The following COPG2 variants were observed in gnomAD, a reference collection of about 807,000 sequenced individuals.
COPG2 encodes coat protein complex I subunit gamma 2.
In COPG2, 37 loss-of-function variants were observed where a neutral mutation model predicts 46.3. The ratio of observed to expected loss-of-function variants is 0.80; its 90% CI spans 0.61 to 1.05. COPG2 has a LOEUF of 1.05. COPG2 is among the 50% of genes least tolerant of loss of function. The pLI is 0.00. For synonymous variants in COPG2, 159 were observed against 129.7 expected, an observed-to-expected ratio of 1.23 and a Z score of -1.53; for missense variants, 427 against 387.8, an observed-to-expected ratio of 1.10 and a Z score of -0.85.
At chr7:130,566,770 T>C (rs1324729750) in intron 9 of COPG2, among the ~76,000 whole-genome samples, 3 of 152,196 alleles carry the variant, frequency 2.0e-5, no homozygotes, top group African/African-American at 7.2e-5. Flanking sequence ...GTGATGTTCC[T>C]TGGACTTTTT....
intron 20 of COPG2, among the ~76,000 whole-genome samples, chr7:130,526,752 A>T (rs1799777918): frequency 6.6e-6 from 1 of 151,506 alleles, no homozygotes; most frequent in Non-Finnish European, 1.5e-5. Context: ...GACTGCTCTT[A>T]AAGCCTTGAA....
rs1173008639 is a variant in COPG2, at chr7:130,528,515, G to C, written c.2149+19159C>G. 2.6e-5 allele frequency among the ~76,000 whole-genome samples: 4 copies of C among 152,202 alleles called. No homozygotes were observed. The East Asian group carries it at 5.8e-4, about 22-fold the overall frequency. On this transcript the variant is annotated intron_variant, in intron 20 of 23. Coordinates refer to ENST00000425248, the MANE Select transcript of COPG2 (RefSeq NM_012133.6). ...GTGCGGGGCCAGGTCAAGAAGGGAGGAGGTACCTGAGATCACGAATTAGGC... is the reference window on the plus strand; with the variant it reads ...GTGCGGGGCCAGGTCAAGAAGGGAGCAGGTACCTGAGATCACGAATTAGGC...
chr7:130,530,395 A>G (rs1799812537), intron 20 of COPG2, among the ~76,000 whole-genome samples: 1 of 152,168 alleles, frequency 6.6e-6, no homozygotes, highest in East Asian at 1.9e-4. Flanking sequence ...GAAGAGGAGA[A>G]AAGGCTTGAG....
intron 9 of COPG2, among the ~76,000 whole-genome samples, chr7:130,598,426 GAGAA>G (rs1252059067): frequency 6.6e-6 from 1 of 152,120 alleles, no homozygotes; most frequent in East Asian, 1.9e-4. Flanking sequence ...AACTTCCTGG[GAGAA>G]AGAAGATTAT....
rs1205677638 is a variant in COPG2, at chr7:130,513,290, T to TA, written c.2150-4632dup. The stretch of plus-strand genomic sequence containing the variant: ...GTGACAAGAGTGAAATAATTCTGTC[T>TA]AAAAAAAAAAAAAAAAAAATATATA... On this transcript the variant is annotated intron_variant, in intron 20 of 23. Coordinates refer to ENST00000425248, the MANE Select transcript of COPG2 (RefSeq NM_012133.6). Among the ~76,000 whole-genome samples the TA allele has an allele frequency of 5.2e-3, 105 of 20,188 alleles. 2 individuals carry two copies. Among genetic ancestry groups the TA allele is most frequent in the Admixed American group, 0.011 (10 of 926 alleles). The allele number at this position is 20,188 out of a possible 152,430, so 13.2% of individuals were successfully genotyped here.
intron 20 of COPG2, among the ~76,000 whole-genome samples, chr7:130,525,963 T>TGGACAGCCTAAATGAGTGACCC (rs1799770480): frequency 6.6e-6 from 1 of 152,066 alleles, no homozygotes; most frequent in Non-Finnish European, 1.5e-5. Context: ...ATGAGTGACC[T>TGGACAGCCTAAATGAGTGACCC]GGACAGCCTG....
At chr7:130,579,819 A>C (rs1794097094) in intron 9 of COPG2, among the ~76,000 whole-genome samples, 1 of 152,190 alleles carries the variant, frequency 6.6e-6, no homozygotes, top group Non-Finnish European at 1.5e-5. Flanking sequence ...TATGCACCCA[A>C]TACAGGAGCA....
chr7:130,583,749 G>A (rs1263278357), intron 9 of COPG2, among the ~76,000 whole-genome samples: 1 of 132,474 alleles, frequency 7.5e-6, no homozygotes, highest in Non-Finnish European at 1.5e-5. Flanking sequence ...GGAGGTTGCA[G>A]TGAGCCAAGA....
intron 20 of COPG2, among the ~76,000 whole-genome samples, chr7:130,519,533 CTG>C (rs1799708312): frequency 2.0e-5 from 3 of 151,998 alleles, no homozygotes; most frequent in Non-Finnish European, 4.4e-5. Context: ...AATGATACAG[CTG>C]AATGAAGAAA....
chr7:130,603,944 T>C, intron 9 of COPG2: 2 of 462,246 alleles, frequency 4.3e-6, no homozygotes, highest in South Asian at 1.6e-5. Context: ...TTATGTTATA[T>C]GTAATATATA....
chr7:130,664,983 C>A (rs1329626886), intron 3 of COPG2, among the ~76,000 whole-genome samples: 1 of 152,130 alleles, frequency 6.6e-6, no homozygotes, highest in Non-Finnish European at 1.5e-5. Context: ...GAGTTTGAGA[C>A]CCACCTGGCC....
chr7:130,615,702 T>G (rs1267290826), intron 6 of COPG2, among the ~76,000 whole-genome samples: 2 of 152,016 alleles, frequency 1.3e-5, no homozygotes, highest in Admixed American at 6.6e-5. Context: ...CCTGTAGGAG[T>G]AGTGATGGTG....
At chr7:130,512,779 G>A (rs1328925107) in intron 20 of COPG2, among the ~76,000 whole-genome samples, 1 of 152,104 alleles carries the variant, frequency 6.6e-6, no homozygotes, top group African/African-American at 2.4e-5. Context: ...GCAAGTGAAA[G>A]GATGACTGAC....
At chr7:130,623,203 G>T (rs1424572495) in intron 5 of COPG2, among the ~76,000 whole-genome samples, 3 of 152,186 alleles carry the variant, frequency 2.0e-5, no homozygotes, top group African/African-American at 7.2e-5. Flanking sequence ...GGGCCAATGA[G>T]TTAAATGCTT....
chr7:130,584,958 G>GA (rs1448984943), intron 9 of COPG2, among the ~76,000 whole-genome samples: 4 of 150,970 alleles, frequency 2.6e-5, no homozygotes, highest in South Asian at 2.1e-4. Context: ...CACAGAATTA[G>GA]AAAAAAAAAT....
intron 4 of COPG2, among the ~76,000 whole-genome samples, chr7:130,658,595 G>A (rs1554460192): frequency 6.6e-6 from 1 of 151,978 alleles, no homozygotes; most frequent in African/African-American, 2.4e-5. Flanking sequence ...GCCACAGACT[G>A]GGAGGAAATA....
intron 6 of COPG2, among the ~76,000 whole-genome samples, chr7:130,615,200 T>C (rs1195781896): frequency 3.9e-5 from 6 of 152,220 alleles, no homozygotes; most frequent in Non-Finnish European, 8.8e-5. Flanking sequence ...ATCAAACTCA[T>C]AGGAAGTTAT....
At chr7:130,515,351 A>T (rs1267482035) in intron 20 of COPG2, among the ~76,000 whole-genome samples, 1 of 151,972 alleles carries the variant, frequency 6.6e-6, no homozygotes, top group East Asian at 1.9e-4. Context: ...GAGGTACCAC[A>T]CACTGAAAAC....
At chr7:130,554,956 T>TGC in intron 13 of COPG2, 81 bp downstream of exon 13, 1 of 397,878 alleles carries the variant, frequency 2.5e-6, no homozygotes, top group Non-Finnish European at 4.4e-6. Context: ...GATAAGGAAA[T>TGC]CTTAAAACAC....
Sources: gnomAD v4.1 joint callset for allele counts (sites outside exome capture counted in the v4.1 genomes callset) on GRCh38, gnomAD v4.1.1 for gene constraint, MANE v1.5 for transcripts, NCBI Gene and HGNC (gene_info 2026-07-23, HGNC 2026-07-21) for gene names.